Variants in TCF12 observed in about 807,000 individuals in gnomAD.
The protein encoded by TCF12 is transcription factor 12.
In TCF12, 45 loss-of-function variants were observed where a neutral mutation model predicts 86.0. The observed-to-expected ratio is 0.52, with a 90% CI of 0.41 to 0.67. The LOEUF (loss-of-function observed/expected upper bound fraction) is 0.67. Among genes scored for constraint, TCF12 ranks in the 30% least tolerant of loss-of-function variants. The probability of loss-of-function intolerance (pLI) is 0.00; values close to 1 mark genes in which losing one functional copy is unlikely to be tolerated. For synonymous variants in TCF12, 330 were observed against 299.6 expected, an observed-to-expected ratio of 1.10 and a Z score of -1.05; for missense variants, 881 against 859.9, an observed-to-expected ratio of 1.02 and a Z score of -0.31.
chr15:57,179,713 G>A (rs754305092), intron 6 of TCF12, among the ~76,000 whole-genome samples: 1 of 152,304 alleles, frequency 6.6e-6, no homozygotes, highest in East Asian at 1.9e-4. Flanking sequence ...AAGTTGGCTA[G>A]TGGTGGCTGG....
At chr15:57,030,996 C>T (rs747283066) in intron 3 of TCF12, among the ~76,000 whole-genome samples, 1 of 152,214 alleles carries the variant, frequency 6.6e-6, no homozygotes, top group Non-Finnish European at 1.5e-5. Context: ...AACCACTTGA[C>T]TTGCCATTCA....
intron 3 of TCF12, among the ~76,000 whole-genome samples, chr15:57,030,996 C>G (rs747283066): frequency 6.6e-6 from 1 of 152,214 alleles, no homozygotes; most frequent in Non-Finnish European, 1.5e-5. Context: ...AACCACTTGA[C>G]TTGCCATTCA....
intron 3 of TCF12, among the ~76,000 whole-genome samples, chr15:56,966,400 T>C (rs2062006168): frequency 6.6e-6 from 1 of 152,220 alleles, no homozygotes; most frequent in African/African-American, 2.4e-5. Flanking sequence ...TATCATGCTG[T>C]GTAATCTAAC....
At chr15:57,238,436 C>T (rs189511657) in intron 12 of TCF12, among the ~76,000 whole-genome samples, 14 of 152,262 alleles carry the variant, frequency 9.2e-5, no homozygotes, top group Non-Finnish European at 1.9e-4. Context: ...CCCATGCCTA[C>T]CTAACAGTGT....
chr15:57,253,549 G>A, intron 16 of TCF12, 81 bp downstream of exon 16: 2 of 1,511,158 alleles, frequency 1.3e-6, no homozygotes, highest in South Asian at 1.2e-5. Context: ...TTGGGAAGAG[G>A]ATCTTTCTGA....
Position 57,045,760 on chromosome 15 carries a change from G to A in TCF12, c.149-17990G>A, listed in dbSNP as rs117783376. ...GGGGTTTCACTGTGTTTCCCAGGCTGTTCTCAAACTGCTGGACCCAAGCGA... is the reference window on the plus strand; with the variant it reads ...GGGGTTTCACTGTGTTTCCCAGGCTATTCTCAAACTGCTGGACCCAAGCGA... On this transcript the variant is annotated intron_variant, in intron 3 of 20. Transcript: ENST00000333725. Among the ~76,000 whole-genome samples the A allele has an allele frequency of 4.2e-3, 645 of 152,202 alleles. 9 individuals are homozygous for A. Among genetic ancestry groups the A allele is most frequent in the Admixed American group, 0.022 (334 of 15,282 alleles).
chr15:57,177,825 A>T (rs1406226265), intron 6 of TCF12, among the ~76,000 whole-genome samples: 1 of 151,848 alleles, frequency 6.6e-6, no homozygotes, highest in Non-Finnish European at 1.5e-5. Context: ...GGTTTGGGTA[A>T]TTCACTGCAG....
intron 8 of TCF12, among the ~76,000 whole-genome samples, chr15:57,199,672 C>G (rs776369688): frequency 1.3e-5 from 2 of 152,130 alleles, no homozygotes; most frequent in Non-Finnish European, 2.9e-5. Flanking sequence ...TCTCAGGTAT[C>G]TGGAACAAGT....
At chr15:57,258,060 G>C (rs1366793300) in intron 16 of TCF12, among the ~76,000 whole-genome samples, 1 of 152,168 alleles carries the variant, frequency 6.6e-6, no homozygotes, top group East Asian at 1.9e-4. Context: ...AGCACTTTGG[G>C]AGGCTAAGGT....
At chr15:57,014,523 A>G (rs2065031933) in intron 3 of TCF12, among the ~76,000 whole-genome samples, 1 of 152,076 alleles carries the variant, frequency 6.6e-6, no homozygotes, top group South Asian at 2.1e-4. Flanking sequence ...AACATGTCCT[A>G]TTTGCTGCTT....
intron 4 of TCF12, among the ~76,000 whole-genome samples, chr15:57,064,413 C>T (rs1248510106): frequency 1.3e-5 from 2 of 152,072 alleles, no homozygotes; most frequent in African/African-American, 4.8e-5. Flanking sequence ...TAAAATGAGA[C>T]CAGGAGGTGG....
At chr15:57,006,231 A>C (rs1236391794) in intron 3 of TCF12, among the ~76,000 whole-genome samples, 4 of 152,198 alleles carry the variant, frequency 2.6e-5, no homozygotes, top group African/African-American at 7.2e-5. Flanking sequence ...GAGATTAGAT[A>C]AGGTTTTTAT....
chr15:56,947,134 A>G (rs776424151), intron 3 of TCF12, among the ~76,000 whole-genome samples: 3 of 152,154 alleles, frequency 2.0e-5, no homozygotes, highest in Non-Finnish European at 4.4e-5. Context: ...GTTTAGCTCT[A>G]TTGCTAAGCA....
intron 6 of TCF12, among the ~76,000 whole-genome samples, chr15:57,178,924 C>G (rs2056144629): frequency 6.6e-6 from 1 of 151,916 alleles, no homozygotes; most frequent in African/African-American, 2.4e-5. Flanking sequence ...TTAGCTTGTT[C>G]TCTTCATATT....
chr15:57,060,406 T>G (rs568990203), intron 3 of TCF12, among the ~76,000 whole-genome samples: 1 of 152,348 alleles, frequency 6.6e-6, no homozygotes, highest in South Asian at 2.1e-4. Flanking sequence ...ACTAAGAGAT[T>G]ATCTATATAA....
At chr15:57,252,767 T>C (rs2060176974) in intron 15 of TCF12, among the ~76,000 whole-genome samples, 1 of 152,188 alleles carries the variant, frequency 6.6e-6, no homozygotes, top group Non-Finnish European at 1.5e-5. Flanking sequence ...GACAATACCA[T>C]TTATTTAGTT....
intron 6 of TCF12, among the ~76,000 whole-genome samples, chr15:57,175,382 C>T (rs1476977928): frequency 6.6e-6 from 1 of 152,044 alleles, no homozygotes; most frequent in Non-Finnish European, 1.5e-5. Context: ...TCCTACAACT[C>T]TGTAAGGTTA....
At chr15:57,223,101 T>TAAACAAA (rs1455961168) in intron 8 of TCF12, among the ~76,000 whole-genome samples, 3 of 151,996 alleles carry the variant, frequency 2.0e-5, no homozygotes, top group African/African-American at 7.2e-5. Flanking sequence ...CTGGGAACTT[T>TAAACAAA]GTTTATCTGA....
In TCF12 at chr15:56,958,674, A is replaced by AGT. The variant is rs1405638725; in HGVS notation, c.148+37577_148+37578insTG. Among the ~76,000 whole-genome samples the AGT allele has an allele frequency of 7.0e-3, 450 of 64,530 alleles. 3 individuals are homozygous for AGT. Among genetic ancestry groups the AGT allele is most frequent in the African/African-American group, 0.019 (412 of 21,344 alleles). 42.3% of individuals were successfully genotyped at this position (64,530 alleles called of 152,430 possible). A position where few individuals can be genotyped will look rare whatever the true frequency, so the allele number is the denominator to read the frequency against. ...CTGTATATGAGAAAGAGAGAGAGAG[A>AGT]GAGAGTGTGTGTGTGTGTGTGTGTG... On this transcript the variant is annotated intron_variant, in intron 3 of 20. Coordinates refer to ENST00000333725, the MANE Select transcript of TCF12 (RefSeq NM_207037.2).
Sources: gnomAD v4.1 joint callset for allele counts (sites outside exome capture counted in the v4.1 genomes callset) on GRCh38, gnomAD v4.1.1 for gene constraint, MANE v1.5 for transcripts, NCBI Gene and HGNC (gene_info 2026-07-23, HGNC 2026-07-21) for gene names.